The following IL1R1 variants were observed in gnomAD, a reference collection of about 807,000 sequenced individuals.
The protein encoded by IL1R1 is interleukin-1 receptor type 1.
Under a neutral mutation model 50.2 loss-of-function variants are expected in IL1R1, and 22 were observed. The observed-to-expected ratio is 0.44, with a 90% CI of 0.31 to 0.63. The LOEUF (loss-of-function observed/expected upper bound fraction) is 0.63. Ranked by LOEUF, IL1R1 falls within the 20% of genes least tolerant of loss-of-function variation. The probability of loss-of-function intolerance (pLI) is 0.07; values close to 1 mark genes in which losing one functional copy is unlikely to be tolerated. For synonymous variants in IL1R1, 251 were observed against 236.7 expected, an observed-to-expected ratio of 1.06 and a Z score of -0.55; for missense variants, 509 against 676.2, an observed-to-expected ratio of 0.75 and a Z score of 2.74.
At chr2:102,101,216 T>A (rs145226307), upstream of IL1R1, among the ~76,000 whole-genome samples, 2 of 152,338 alleles carry the variant, frequency 1.3e-5, no homozygotes, top group African/African-American at 4.8e-5. Flanking sequence ...TGGGCCACAC[T>A]TTGTGTCCCA....
chr2:102,145,902 T>C (rs962101447), intron 1 of IL1R1, among the ~76,000 whole-genome samples: 2 of 152,144 alleles, frequency 1.3e-5, no homozygotes, highest in African/African-American at 4.8e-5. Flanking sequence ...AAATACTCTT[T>C]CCTGTAGGCA....
chr2:102,166,688 A>G (rs1180351904), intron 6 of IL1R1, among the ~76,000 whole-genome samples: 2 of 152,170 alleles, frequency 1.3e-5, no homozygotes, highest in Admixed American at 6.5e-5. Flanking sequence ...GAGCTTTGGA[A>G]TAAGTCACAT....
chr2:102,088,386 C>T (rs1437455435), intron 1 of IL1R1, among the ~76,000 whole-genome samples: 1 of 152,152 alleles, frequency 6.6e-6, no homozygotes. Flanking sequence ...TGACCAGTTC[C>T]CTTGCCAATG....
At chr2:102,171,343 C>T (rs773702138) in intron 7 of IL1R1, among the ~76,000 whole-genome samples, 3 of 152,096 alleles carry the variant, frequency 2.0e-5, no homozygotes, top group African/African-American at 7.2e-5. Flanking sequence ...AAATATGTTT[C>T]TTTAATTCAA....
chr2:102,127,752 C>A (rs1013270385), intron 1 of IL1R1, among the ~76,000 whole-genome samples: 1 of 151,784 alleles, frequency 6.6e-6, no homozygotes, highest in African/African-American at 2.4e-5. Flanking sequence ...AGAGGAAAAT[C>A]TCTTTGGCAA....
At chr2:102,166,335 G>A (rs1024914175) in intron 6 of IL1R1, 54 bp downstream of exon 6, 3 of 1,336,842 alleles carry the variant, frequency 2.2e-6, no homozygotes, top group African/African-American at 2.9e-5. Context: ...TCCAGAGACT[G>A]TGATTCTAAT....
chr2:102,080,676 A>AT (rs1326162267), intron 1 of IL1R1, among the ~76,000 whole-genome samples: 16 of 152,358 alleles, frequency 1.1e-4, no homozygotes, highest in Admixed American at 6.5e-4. Flanking sequence ...AATGTTCAAC[A>AT]TAGAGTTGCC....
chr2:102,110,758 C>G (rs891425690), intron 1 of IL1R1, among the ~76,000 whole-genome samples: 1 of 151,832 alleles, frequency 6.6e-6, no homozygotes, highest in Non-Finnish European at 1.5e-5. Flanking sequence ...TGTTTTGAGG[C>G]CTTGCTGTGT....
At chr2:102,138,481 T>C (rs564882605), upstream of IL1R1, among the ~76,000 whole-genome samples, 2 of 152,344 alleles carry the variant, frequency 1.3e-5, no homozygotes, top group Non-Finnish European at 2.9e-5. Flanking sequence ...TATGTCACAC[T>C]TTCTCATCAG....
At chr2:102,082,160 A>G (rs544429544) in intron 1 of IL1R1, among the ~76,000 whole-genome samples, 2 of 152,086 alleles carry the variant, frequency 1.3e-5, no homozygotes, top group Non-Finnish European at 2.9e-5. Flanking sequence ...TGGCTTTATA[A>G]CTATCTTTGT....
At chr2:102,161,086 G>C (rs1265708775) in intron 3 of IL1R1, among the ~76,000 whole-genome samples, 6 of 152,138 alleles carry the variant, frequency 3.9e-5, no homozygotes, top group African/African-American at 1.4e-4. Flanking sequence ...AAGGCTAGCA[G>C]TTTCCCTCTA....
At chr2:102,175,741 A>G in intron 11 of IL1R1, 96 bp downstream of exon 11, 4 of 1,135,800 alleles carry the variant, frequency 3.5e-6, no homozygotes, top group South Asian at 2.5e-5. Context: ...GCATAGGGGT[A>G]TATGTTTCAC....
intron 1 of IL1R1, among the ~76,000 whole-genome samples, chr2:102,080,918 A>T (rs561977079): frequency 1.3e-5 from 2 of 152,214 alleles, no homozygotes; most frequent in Non-Finnish European, 2.9e-5. Context: ...AACATAGAGG[A>T]ACCTTGAAAG....
intron 1 of IL1R1, among the ~76,000 whole-genome samples, chr2:102,105,205 G>A (rs1467187196): frequency 6.6e-6 from 1 of 152,142 alleles, no homozygotes; most frequent in Non-Finnish European, 1.5e-5. Context: ...TTGGTATGTG[G>A]TGAGAGATGT....
At chr2:102,114,882 C>G (rs1407400938) in intron 1 of IL1R1, among the ~76,000 whole-genome samples, 1 of 152,076 alleles carries the variant, frequency 6.6e-6, no homozygotes, top group Non-Finnish European at 1.5e-5. Context: ...CTAGGGAAAC[C>G]CAGTGTGTGT....
At chr2:102,075,559 A>C (rs933258583) in intron 1 of IL1R1, among the ~76,000 whole-genome samples, 1 of 152,254 alleles carries the variant, frequency 6.6e-6, no homozygotes, top group Non-Finnish European at 1.5e-5. Context: ...AGAATTCTTC[A>C]TACAAATACA....
chr2:102,128,988 G>T (rs1225248967), intron 1 of IL1R1, among the ~76,000 whole-genome samples: 1 of 152,108 alleles, frequency 6.6e-6, no homozygotes, highest in Non-Finnish European at 1.5e-5. Flanking sequence ...GATCACTTGA[G>T]GCTGAGAGTT....
At chr2:102,117,705 G>A (rs1681163629) in intron 1 of IL1R1, among the ~76,000 whole-genome samples, 1 of 152,120 alleles carries the variant, frequency 6.6e-6, no homozygotes, top group Non-Finnish European at 1.5e-5. Flanking sequence ...CCCTCAGGGA[G>A]GTGTAGTAAG....
At chr2:102,113,010 T>C (rs1289497509) in intron 1 of IL1R1, among the ~76,000 whole-genome samples, 1 of 152,214 alleles carries the variant, frequency 6.6e-6, no homozygotes, top group East Asian at 1.9e-4. Flanking sequence ...AAGTGGGCCC[T>C]CACCAGACAC....
Sources: gnomAD v4.1 joint callset for allele counts (sites outside exome capture counted in the v4.1 genomes callset) on GRCh38, gnomAD v4.1.1 for gene constraint, MANE v1.5 for transcripts, NCBI Gene and HGNC (gene_info 2026-07-23, HGNC 2026-07-21) for gene names.